The following DENND5B variants were observed in gnomAD, a reference collection of about 807,000 sequenced individuals.
DENND5B encodes the protein DENN domain containing 5B.
Under a neutral mutation model 140.6 loss-of-function variants are expected in DENND5B, and 34 were observed. The observed-to-expected ratio is 0.24, with a 90% CI of 0.18 to 0.32. The LOEUF is 0.32. Ranked by LOEUF, DENND5B falls within the 10% of genes least tolerant of loss-of-function variation. DENND5B has a pLI of 1.00. For missense variants in DENND5B, 1,142 were observed against 1,560.2 expected, an observed-to-expected ratio of 0.73 and a Z score of 4.52; for synonymous variants, 551 against 562.1, an observed-to-expected ratio of 0.98 and a Z score of 0.28.
At chr12:31,586,780 T>C (rs1198970579) in intron 1 of DENND5B, among the ~76,000 whole-genome samples, 1 of 152,192 alleles carries the variant, frequency 6.6e-6, no homozygotes, top group South Asian at 2.1e-4. Flanking sequence ...TAGAAGTCAA[T>C]TAAGACCTTC....
chr12:31,431,497 G>A (rs1399838052), intron 8 of DENND5B, among the ~76,000 whole-genome samples: 1 of 152,040 alleles, frequency 6.6e-6, no homozygotes, highest in Non-Finnish European at 1.5e-5. Flanking sequence ...TTTAACTCTG[G>A]GCTAATCTCT....
intron 1 of DENND5B, among the ~76,000 whole-genome samples, chr12:31,500,019 T>C (rs935745468): frequency 3.9e-5 from 6 of 152,236 alleles, no homozygotes; most frequent in Non-Finnish European, 8.8e-5. Flanking sequence ...AAGTTGAGTA[T>C]CCCTTATCCA....
chr12:31,445,989 A>G (rs1224361378), intron 6 of DENND5B, among the ~76,000 whole-genome samples: 1 of 151,046 alleles, frequency 6.6e-6, no homozygotes, highest in Non-Finnish European at 1.5e-5. Context: ...AGCCTAGGCA[A>G]CAAGTGAGAC....
chr12:31,579,098 G>C (rs751878002), intron 1 of DENND5B, among the ~76,000 whole-genome samples: 2 of 152,124 alleles, frequency 1.3e-5, no homozygotes, highest in African/African-American at 2.4e-5. Flanking sequence ...TTCTGCATGA[G>C]TGATATACAC....
chr12:31,486,568 C>T (rs1186045300), intron 2 of DENND5B, among the ~76,000 whole-genome samples: 1 of 152,236 alleles, frequency 6.6e-6, no homozygotes, highest in African/African-American at 2.4e-5. Context: ...TGCCTTCACA[C>T]TACAACAGCA....
chr12:31,590,504 G>C, intron 1 of DENND5B: 1 of 611,014 alleles, frequency 1.6e-6, no homozygotes, highest in Non-Finnish European at 2.5e-6. Context: ...GAAAGCCCCG[G>C]TGGGCGCAGC....
At chr12:31,537,753 CAA>C (rs1197082733) in intron 1 of DENND5B, among the ~76,000 whole-genome samples, 1 of 151,770 alleles carries the variant, frequency 6.6e-6, no homozygotes, top group Non-Finnish European at 1.5e-5. Context: ...ATTTCACCTA[CAA>C]AGACACACAT....
chr12:31,535,073 CAAAAAAAA>C (rs747166398), intron 1 of DENND5B: 193 of 93,216 alleles, frequency 2.1e-3, no homozygotes, highest in South Asian at 4.8e-3. Context: ...GACTCTGTCT[CAAAAAAAA>C]AAAAAAAAAA....
At chr12:31,536,420 G>A (rs1429055470) in intron 1 of DENND5B, among the ~76,000 whole-genome samples, 1 of 152,000 alleles carries the variant, frequency 6.6e-6, no homozygotes, top group Non-Finnish European at 1.5e-5. Flanking sequence ...GTTGAAATAT[G>A]CAACTGACAT....
At chr12:31,463,831 A>T in intron 3 of DENND5B, among the ~76,000 whole-genome samples, 1 of 152,034 alleles carries the variant, frequency 6.6e-6, no homozygotes, top group Non-Finnish European at 1.5e-5. Context: ...ACACCTGGCT[A>T]ATTTTTTTGG....
chr12:31,396,083 C>T (rs559514097), intron 17 of DENND5B, among the ~76,000 whole-genome samples: 117 of 85,364 alleles, frequency 1.4e-3, no homozygotes, highest in African/African-American at 3.8e-3. Context: ...TTTTTTGAGA[C>T]GGAGTCTCAC....
chr12:31,479,686 G>A lies in DENND5B; in HGVS notation c.807C>T (p.Tyr269=). ...GGAGCTCAAATGCCTCCCGAAGGGG[G>A]TAATCAGAGAGGGGGAGTTCACTGG... is the stretch of plus-strand genomic sequence containing the variant. The part of the protein sequence containing the change: ...PGPSELPLSD[Y]PLREAFELLG... The change falls in exon 3 of 21, where the codon TAC becomes TAT. Residue 269 remains tyrosine, a synonymous_variant. Transcript: ENST00000389082. The A allele has an allele frequency of 2.5e-6, 4 of 1,592,378 alleles. No individual in the cohort carries two copies. Among genetic ancestry groups the A allele is most frequent in the Non-Finnish European group, 3.4e-6 (4 of 1,169,320 alleles).
chr12:31,520,862 AC>A (rs1275920528), intron 1 of DENND5B, among the ~76,000 whole-genome samples: 5 of 152,096 alleles, frequency 3.3e-5, no homozygotes, highest in South Asian at 2.1e-4. Context: ...AACAACAACA[AC>A]AACAAAAACA....
chr12:31,498,756 TGAGGTCAGGAGTTC>T (rs1422040495), intron 1 of DENND5B, among the ~76,000 whole-genome samples: 1 of 152,030 alleles, frequency 6.6e-6, no homozygotes, highest in African/African-American at 2.4e-5. Flanking sequence ...GTGGATCACT[TGAGGTCAGGAGTTC>T]GAGACCAGCC....
chr12:31,463,458 T>C (rs977673061), intron 3 of DENND5B, among the ~76,000 whole-genome samples: 3 of 152,180 alleles, frequency 2.0e-5, no homozygotes, highest in Non-Finnish European at 2.9e-5. Flanking sequence ...TCTACCACAG[T>C]ATCTGACATA....
intron 1 of DENND5B, among the ~76,000 whole-genome samples, chr12:31,580,448 A>G (rs1950178071): frequency 6.6e-6 from 1 of 152,022 alleles, no homozygotes; most frequent in African/African-American, 2.4e-5. Flanking sequence ...CAAGCTTCTC[A>G]TTTTTAAGAA....
intron 1 of DENND5B, among the ~76,000 whole-genome samples, chr12:31,528,436 A>T (rs1948162709): frequency 6.6e-6 from 1 of 152,056 alleles, no homozygotes; most frequent in Non-Finnish European, 1.5e-5. Context: ...CTGTAAAGAT[A>T]TTTTTTTTCC....
At chr12:31,566,097 A>C (rs990238625) in intron 1 of DENND5B, among the ~76,000 whole-genome samples, 1 of 152,200 alleles carries the variant, frequency 6.6e-6, no homozygotes, top group African/African-American at 2.4e-5. Flanking sequence ...GTGAGCTGAG[A>C]TCACACCACT....
chr12:31,442,129 C>A (rs1211558055), intron 7 of DENND5B, among the ~76,000 whole-genome samples: 1 of 152,194 alleles, frequency 6.6e-6, no homozygotes, highest in Non-Finnish European at 1.5e-5. Flanking sequence ...ACCCAAAGTA[C>A]TATCCTGTCT....
Sources: allele counts gnomAD v4.1 joint callset (sites outside exome capture counted in the v4.1 genomes callset), GRCh38; gene constraint gnomAD v4.1.1; transcripts MANE v1.5; gene names NCBI Gene and HGNC (gene_info 2026-07-23, HGNC 2026-07-21).